The following SLIT2 variants were observed in gnomAD, a reference collection of about 807,000 sequenced individuals.
SLIT2 encodes slit guidance ligand 2.
Under a neutral mutation model 185.7 loss-of-function variants are expected in SLIT2, and 41 were observed. The observed-to-expected ratio is 0.22, with a 90% confidence interval of 0.17 to 0.29. The LOEUF (loss-of-function observed/expected upper bound fraction) is 0.29. Among genes scored for constraint, SLIT2 ranks in the 10% least tolerant of loss-of-function variants. SLIT2 has a pLI of 1.00. For missense variants in SLIT2, 1,571 were observed against 1,909.0 expected, an observed-to-expected ratio of 0.82 and a Z score of 3.30; for synonymous variants, 693 against 680.2, an observed-to-expected ratio of 1.02 and a Z score of -0.29.
At chr4:20,357,662 T>C (rs12498407) in intron 4 of SLIT2, among the ~76,000 whole-genome samples, 77,696 of 151,870 alleles carry the variant, frequency 0.51, 20,180 homozygotes, top group Non-Finnish European at 0.55. Flanking sequence ...TGATATAGGA[T>C]GTGAAAAGAA....
At chr4:20,452,799 T>C (rs1224220931) in intron 4 of SLIT2, among the ~76,000 whole-genome samples, 2 of 152,200 alleles carry the variant, frequency 1.3e-5, no homozygotes, top group African/African-American at 4.8e-5. Context: ...GCAGCCTGCA[T>C]TGAGAAGCAC....
chr4:20,453,967 C>T (rs1030994276), intron 4 of SLIT2, among the ~76,000 whole-genome samples: 1 of 152,158 alleles, frequency 6.6e-6, no homozygotes, highest in African/African-American at 2.4e-5. Flanking sequence ...GATCTTAAAC[C>T]CACACTGTAC....
At chr4:20,393,019 T>C (rs1018030102) in intron 4 of SLIT2, among the ~76,000 whole-genome samples, 1 of 152,088 alleles carries the variant, frequency 6.6e-6, no homozygotes, top group East Asian at 1.9e-4. Flanking sequence ...GATTTTTATA[T>C]CACTGGTGGC....
chr4:20,542,537 T>C lies in SLIT2; in HGVS notation c.2187T>C (p.Thr729=). The change falls in exon 21 of 37, where the codon ACT becomes ACC. Residue 729 remains threonine (T), a synonymous_variant. Transcript: ENST00000504154. ...GCTCCCCACTTTCTCGCTGTCCTAC[T>C]GAATGTACTTGCTTGGATACAGTCG... ...NSCSPLSRCP[T]ECTCLDTVVR... is the part of the protein sequence containing the mutation. 6.2e-7 allele frequency: 1 copy of C among 1,613,846 alleles called. No homozygotes were observed.
At chr4:20,412,806 A>T (rs1727362545) in intron 4 of SLIT2, among the ~76,000 whole-genome samples, 1 of 152,120 alleles carries the variant, frequency 6.6e-6, no homozygotes, top group Admixed American at 6.5e-5. Context: ...AGAAATCTTC[A>T]GCCCATTAGC....
intron 4 of SLIT2, among the ~76,000 whole-genome samples, chr4:20,323,072 A>C (rs1191834937): frequency 6.6e-6 from 1 of 152,210 alleles, no homozygotes; most frequent in Non-Finnish European, 1.5e-5. Flanking sequence ...AAGGAACTAA[A>C]ACCGGTCATG....
chr4:20,548,613 G>T, intron 23 of SLIT2, 54 bp downstream of exon 23: 2 of 1,005,692 alleles, frequency 2.0e-6, no homozygotes, highest in Non-Finnish European at 3.2e-6. Flanking sequence ...ACAAAAGGCA[G>T]TCTCTAGATG....
At chr4:20,551,473 T>A (rs1196993535) in intron 25 of SLIT2, among the ~76,000 whole-genome samples, 1 of 152,230 alleles carries the variant, frequency 6.6e-6, no homozygotes, top group Non-Finnish European at 1.5e-5. Flanking sequence ...TTTTTGGAAG[T>A]ACAGTATAAC....
chr4:20,571,545 G>A (rs1725605762), intron 29 of SLIT2, among the ~76,000 whole-genome samples: 1 of 152,128 alleles, frequency 6.6e-6, no homozygotes, highest in Admixed American at 6.6e-5. Context: ...CTTTAATTAT[G>A]GGGAAGTATG....
intron 29 of SLIT2, among the ~76,000 whole-genome samples, chr4:20,578,967 A>G (rs1301510271): frequency 6.6e-6 from 1 of 152,092 alleles, no homozygotes; most frequent in Non-Finnish European, 1.5e-5. Context: ...GAGACATCCC[A>G]TTGCCCAGAT....
chr4:20,571,890 A>G (rs918071462), intron 29 of SLIT2, among the ~76,000 whole-genome samples: 30 of 152,220 alleles, frequency 2.0e-4, no homozygotes, highest in Admixed American at 1.9e-3. Flanking sequence ...TGTATTTGAC[A>G]CCTATGTCAA....
chr4:20,392,628 T>G (rs1017591910), intron 4 of SLIT2, among the ~76,000 whole-genome samples: 26 of 152,160 alleles, frequency 1.7e-4, no homozygotes, highest in African/African-American at 6.0e-4. Context: ...AAGTACATTG[T>G]ACAGCTGTAT....
chr4:20,352,308 T>TA (rs144215176), intron 4 of SLIT2, among the ~76,000 whole-genome samples: 1 of 151,766 alleles, frequency 6.6e-6, no homozygotes, highest in Non-Finnish European at 1.5e-5. Context: ...CCTTTTTTTT[T>TA]ATTATAACAG....
At chr4:20,517,399 G>C (rs1188446012) in intron 11 of SLIT2, among the ~76,000 whole-genome samples, 1 of 151,934 alleles carries the variant, frequency 6.6e-6, no homozygotes, top group African/African-American at 2.4e-5. Flanking sequence ...ATCCCAGACT[G>C]GTGCCATCTT....
In SLIT2 at chr4:20,389,117, CTATT is replaced by C. The variant is rs528648475; in HGVS notation, c.396-78629_396-78626del. 5.2e-4 allele frequency among the ~76,000 whole-genome samples: 78 copies of C among 150,786 alleles called. No individual in the cohort carries two copies. The South Asian group carries it at 0.014, about 28-fold the overall frequency. ...GGGTATTTGTGGTGGGTAGACATTA[CTATT>C]TATTTTTCAAGCGTATGATAATCAA... On this transcript the variant is annotated intron_variant, in intron 4 of 36. Coordinates refer to ENST00000504154, the MANE Select transcript of SLIT2 (RefSeq NM_004787.4).
chr4:20,504,191 C>G (rs1214136533), intron 9 of SLIT2, among the ~76,000 whole-genome samples: 1 of 152,058 alleles, frequency 6.6e-6, no homozygotes, highest in Non-Finnish European at 1.5e-5. Flanking sequence ...TGTCTTCCTC[C>G]TTTTCAAATG....
chr4:20,449,565 C>T (rs1406172641), intron 4 of SLIT2, among the ~76,000 whole-genome samples: 6 of 152,142 alleles, frequency 3.9e-5, no homozygotes, highest in Non-Finnish European at 7.4e-5. Flanking sequence ...CACACCACCA[C>T]GCCCAGCTAA....
intron 4 of SLIT2, among the ~76,000 whole-genome samples, chr4:20,320,455 G>T (rs1023451366): frequency 1.3e-5 from 2 of 152,072 alleles, no homozygotes; most frequent in Admixed American, 1.3e-4. Context: ...GATGTAAAAT[G>T]CAGGAAACAA....
rs547813796 is a variant in SLIT2, at chr4:20,471,690, C to T, written c.467+3867C>T. ...GTGTTCACAAGATTTTCACTAAAAG[C>T]ATTTGCTTTAATCTTGTGGATTGGC... is the stretch of plus-strand genomic sequence containing the variant. On this transcript the variant is annotated intron_variant, in intron 5 of 36. Transcript: ENST00000504154. Among the ~76,000 whole-genome samples, 589 of 152,278 alleles carry T rather than the reference C, an allele frequency of 3.9e-3. 2 individuals carry two copies. The highest frequency in any genetic ancestry group is 0.013 in the African/African-American group (560 of 41,564).
Sources: allele counts gnomAD v4.1 joint callset (sites outside exome capture counted in the v4.1 genomes callset), GRCh38; gene constraint gnomAD v4.1.1; transcripts MANE v1.5; gene names NCBI Gene and HGNC (gene_info 2026-07-23, HGNC 2026-07-21).